Variants in ALK observed in about 807,000 individuals in gnomAD.
ALK encodes the protein ALK tyrosine kinase receptor.
Under a neutral mutation model 163.1 loss-of-function variants are expected in ALK, and 74 were observed. The observed-to-expected ratio is 0.45, with a 90% confidence interval of 0.38 to 0.55. ALK has a LOEUF of 0.55. Ranked by LOEUF, ALK falls within the 20% of genes least tolerant of loss-of-function variation. ALK has a pLI of 0.00. For synonymous variants in ALK, 960 were observed against 843.2 expected, an observed-to-expected ratio of 1.14 and a Z score of -2.40; for missense variants, 2,063 against 2,105.3, an observed-to-expected ratio of 0.98 and a Z score of 0.39.
At chr2:29,614,812 A>G (rs916359940) in intron 3 of ALK, among the ~76,000 whole-genome samples, 3 of 152,022 alleles carry the variant, frequency 2.0e-5, no homozygotes, top group Admixed American at 6.6e-5. Context: ...TTTTCTATAC[A>G]CAGACAACTT....
intron 5 of ALK, among the ~76,000 whole-genome samples, chr2:29,353,332 T>G (rs1668164436): frequency 6.6e-6 from 1 of 152,254 alleles, no homozygotes; most frequent in Non-Finnish European, 1.5e-5. Flanking sequence ...ATGAGCTTGA[T>G]GCATTATTCC....
chr2:29,222,542 G>T lies in ALK; in HGVS notation c.3425C>A (p.Pro1142Gln), dbSNP rs2148169182. 6.2e-7 allele frequency: 1 copy of T among 1,614,118 alleles called. No homozygotes were observed. The highest frequency in any genetic ancestry group is 8.5e-7 in the Non-Finnish European group (1 of 1,180,030). The change falls in exon 21 of 29, where the codon CCA becomes CAA. Residue 1142 changes from proline to glutamine, a missense_variant. Coordinates refer to ENST00000389048, the MANE Select transcript of ALK (RefSeq NM_004304.5). Reference sequence around the variant, plus strand: ...CTTCACAGCCACTTGCAGGGGGCTTGGGTCGTTGGGCATTCCGGACACCTG... The same window carrying T: ...CTTCACAGCCACTTGCAGGGGGCTTTGGTCGTTGGGCATTCCGGACACCTG... ...EGQVSGMPNDPSPLQVAVKTL... is the reference protein window; with the variant it reads ...EGQVSGMPNDQSPLQVAVKTL...
chr2:29,299,819 C>T (rs1363559876), intron 8 of ALK, among the ~76,000 whole-genome samples: 1 of 152,138 alleles, frequency 6.6e-6, no homozygotes, highest in Admixed American at 6.5e-5. Flanking sequence ...TGGCATACCA[C>T]GAGTTCCATT....
intron 1 of ALK, among the ~76,000 whole-genome samples, chr2:29,856,102 T>C (rs80075070): frequency 0.024 from 3,667 of 152,194 alleles, 144 homozygotes; most frequent in African/African-American, 0.084. Context: ...GTATTGAGGT[T>C]CTCTGAGGGA....
At chr2:29,400,074 C>T (rs1229327472) in intron 4 of ALK, among the ~76,000 whole-genome samples, 4 of 152,138 alleles carry the variant, frequency 2.6e-5, no homozygotes, top group East Asian at 3.9e-4. Context: ...GGCATGGGCT[C>T]GGTGACAGGC....
At chr2:29,622,175 G>C (rs115771302) in intron 3 of ALK, among the ~76,000 whole-genome samples, 2 of 152,076 alleles carry the variant, frequency 1.3e-5, no homozygotes, top group Non-Finnish European at 2.9e-5. Context: ...TCTCTTGCAG[G>C]GTTCTTCTGA....
chr2:29,314,026 A>G (rs1202918643), intron 8 of ALK, among the ~76,000 whole-genome samples: 2 of 152,160 alleles, frequency 1.3e-5, no homozygotes, highest in Admixed American at 6.5e-5. Flanking sequence ...AGCTTCAATA[A>G]GCCCAATCAA....
chr2:29,527,037 G>A (rs1033070263), intron 4 of ALK, among the ~76,000 whole-genome samples: 17 of 152,190 alleles, frequency 1.1e-4, no homozygotes, highest in African/African-American at 4.1e-4. Context: ...CCTAGTCCTG[G>A]ATGGCATCTG....
chr2:29,193,501 T>A lies in ALK; in HGVS notation c.4586A>T (p.Asp1529Val), dbSNP rs1011355630. 1 of 1,614,072 alleles carries A rather than the reference T, an allele frequency of 6.2e-7. No individual in the cohort carries two copies. The highest frequency in any genetic ancestry group is 1.3e-5 in the African/African-American group (1 of 74,924). The change falls in exon 29 of 29, where the codon GAC becomes GTC. Residue 1529 changes from aspartate to valine, a missense_variant. Coordinates refer to ENST00000389048, the MANE Select transcript of ALK (RefSeq NM_004304.5). ...NNPIAKKEPH[D>V]RGNLGLEGSC... ...TCCCTCCAGCCCCAGGTTACCCCTG[T>A]CGTGTGGCTCCTTCTTTGCTATAGG...
chr2:29,229,931 TG>T (rs963143064), intron 15 of ALK, among the ~76,000 whole-genome samples: 1 of 152,184 alleles, frequency 6.6e-6, no homozygotes, highest in Non-Finnish European at 1.5e-5. Context: ...GGGGCTGCTT[TG>T]GGCTCTTACA....
intron 4 of ALK, among the ~76,000 whole-genome samples, chr2:29,469,894 T>G (rs567681298): frequency 1.3e-5 from 2 of 152,186 alleles, no homozygotes; most frequent in East Asian, 1.9e-4. Flanking sequence ...CAGAGCCAAA[T>G]GACCCAAAGC....
chr2:29,708,465 GT>G (rs887195362), intron 2 of ALK, among the ~76,000 whole-genome samples: 4 of 152,268 alleles, frequency 2.6e-5, no homozygotes, highest in African/African-American at 9.6e-5. Context: ...CCAGAATCCT[GT>G]TTTTAAGGTG....
intron 1 of ALK, among the ~76,000 whole-genome samples, chr2:29,875,830 T>C (rs916163910): frequency 1.2e-4 from 18 of 152,236 alleles, no homozygotes; most frequent in Admixed American, 3.3e-4. Flanking sequence ...CAGTCTATCA[T>C]TGATGGGCAT....
chr2:29,359,904 GAGA>G (rs995548313), intron 5 of ALK, among the ~76,000 whole-genome samples: 7 of 152,206 alleles, frequency 4.6e-5, no homozygotes, highest in African/African-American at 9.7e-5. Flanking sequence ...CCTCATCACT[GAGA>G]AGAAGAAGAC....
chr2:29,885,288 CA>C (rs1558533449), intron 1 of ALK, among the ~76,000 whole-genome samples: 1 of 152,106 alleles, frequency 6.6e-6, no homozygotes, highest in East Asian at 1.9e-4. Context: ...GCCTCTAGAT[CA>C]GGGGGTCACA....
chr2:29,813,611 G>C (rs993262035), intron 1 of ALK, among the ~76,000 whole-genome samples: 9 of 152,090 alleles, frequency 5.9e-5, no homozygotes, highest in Non-Finnish European at 1.3e-4. Context: ...CAGGGATATG[G>C]GTGTCTGTTT....
chr2:29,672,163 C>A (rs1029454350), intron 3 of ALK, among the ~76,000 whole-genome samples: 23 of 136,410 alleles, frequency 1.7e-4, no homozygotes, highest in Non-Finnish European at 3.1e-4. Context: ...TATACAGTGG[C>A]TTCTGCTTTT....
At chr2:29,919,022 C>T (rs1457049757) in intron 1 of ALK, among the ~76,000 whole-genome samples, 1 of 152,130 alleles carries the variant, frequency 6.6e-6, no homozygotes, top group Admixed American at 6.5e-5. Context: ...TCAAAGGATA[C>T]TCTGGAAAGA....
At chr2:29,606,023 C>G (rs1369615228) in intron 3 of ALK, among the ~76,000 whole-genome samples, 1 of 152,156 alleles carries the variant, frequency 6.6e-6, no homozygotes, top group Non-Finnish European at 1.5e-5. Flanking sequence ...CATCCTTCCA[C>G]CTCCCACCCC....
Sources: gnomAD v4.1 joint callset for allele counts (sites outside exome capture counted in the v4.1 genomes callset) on GRCh38, gnomAD v4.1.1 for gene constraint, MANE v1.5 for transcripts, NCBI Gene and HGNC (gene_info 2026-07-23, HGNC 2026-07-21) for gene names.